ALG8: variants seen among roughly 807,000 people sequenced by gnomAD.
ALG8 encodes the protein dolichyl pyrophosphate Glc1Man9GlcNAc2 alpha-1,3-glucosyltransferase.
Under a neutral mutation model 70.2 loss-of-function variants are expected in ALG8, and 48 were observed. The observed-to-expected ratio is 0.68, with a 90% CI of 0.54 to 0.87. The LOEUF (loss-of-function observed/expected upper bound fraction) is 0.87, where lower values mean the gene tolerates loss of function less well. Among genes scored for constraint, ALG8 ranks in the 40% least tolerant of loss-of-function variants. ALG8 has a pLI of 0.00. For synonymous variants in ALG8, 234 were observed against 229.0 expected (o/e 1.02, Z -0.20); for missense variants, 572 against 608.7 (o/e 0.94, Z 0.64).
At chr11:78,133,134 CTCT>C (rs1275557495) in intron 1 of ALG8, among the ~76,000 whole-genome samples, 1 of 152,194 alleles carries the variant, frequency 6.6e-6, no homozygotes, top group African/African-American at 2.4e-5. Context: ...CACACCCAGC[CTCT>C]TCTTCCTAAT....
Position 78,139,552 on chromosome 11 carries a change from A to G in ALG8, c.37T>C (p.Trp13Arg). Reference protein sequence around the residue: ...ALTIATGTGNWFSALALGVTL... With the variant: ...ALTIATGTGNRFSALALGVTL... ...ACCCCGAGCGCCAAAGCCGAAAACC[A>G]ATTGCCAGTACCCGTGGCAATTGTG... is the stretch of plus-strand genomic sequence containing the variant. The change falls in exon 1 of 13, where the codon TGG (tryptophan) becomes CGG (arginine). Residue 13 changes from tryptophan to arginine, a missense_variant. Trp to Arg is a moderately radical substitution (Grantham distance 101). Transcript: ENST00000299626. 2 of 1,562,054 alleles carry G rather than the reference A, an allele frequency of 1.3e-6. No individual in the cohort carries two copies. Among genetic ancestry groups the G allele is most frequent in the Non-Finnish European group, 1.7e-6 (2 of 1,152,628 alleles).
At chr11:78,128,085 T>C (rs1861153559) in intron 1 of ALG8, among the ~76,000 whole-genome samples, 1 of 152,204 alleles carries the variant, frequency 6.6e-6, no homozygotes, top group African/African-American at 2.4e-5. Flanking sequence ...TCTAACAAAA[T>C]TCATTACCTG....
rs749259253 is a variant in ALG8 at position 78,101,080 on chromosome 11, AG to A, written c.1464del (p.Phe489SerfsTer6). Reference sequence around the variant, plus strand: ...ACTGAGGTTAGTAACAAAGGGATGAAGGGGTACTTCACCTTCCAGGAGGTGA... The same window carrying A: ...ACTGAGGTTAGTAACAAAGGGATGAAGGGTACTTCACCTTCCAGGAGGTGA... ...FPFTSWKVKYPFIPLLLTSVY... is the reference protein window; with the variant it reads ...FPFTSWKVKYXFIPLLLTSVY... On this transcript the variant is annotated frameshift_variant, in exon 13 of 13. Coordinates refer to ENST00000299626, the MANE Select transcript of ALG8 (RefSeq NM_024079.5). LOFTEE classifies it high-confidence loss of function. 2 of 1,614,208 alleles carry A rather than the reference AG, an allele frequency of 1.2e-6. No homozygotes were observed. Among genetic ancestry groups the A allele is most frequent in the Non-Finnish European group, 1.7e-6 (2 of 1,180,030 alleles).
rs552527827 is a variant in ALG8 at position 78,107,243 on chromosome 11, C to T, written c.1039-297G>A. On this transcript the variant is annotated intron_variant, in intron 9 of 12. Transcript: ENST00000299626. ...TATATAATTTTTTGTTTTTTTGAGA[C>T]GGAGTCTCGCTTTGTTGCCAAGGCT... Among the ~76,000 whole-genome samples, 902 of 145,254 alleles carry T rather than the reference C, an allele frequency of 6.2e-3. 2 individuals are homozygous for T. The highest frequency in any genetic ancestry group is 0.027 in the Middle Eastern group (7 of 264).
At chr11:78,112,474 C>T (rs1860332990) in intron 8 of ALG8, 176 bp downstream of exon 8, 4 of 803,578 alleles carry the variant, frequency 5.0e-6, no homozygotes, top group Non-Finnish European at 8.0e-6. Context: ...AGTCTGTTTA[C>T]TGCACTAAAG....
At chr11:78,133,351 C>T (rs1008091832) in intron 1 of ALG8, 19 of 152,222 alleles carry the variant, frequency 1.2e-4, no homozygotes, top group Admixed American at 9.2e-4. Flanking sequence ...CTGTAACTTC[C>T]CTCTCATATC....
In ALG8 at chr11:78,121,189, T is replaced by C. The variant is rs374645837; in HGVS notation, c.369-15A>G. 3.3e-5 allele frequency: 52 copies of C among 1,578,038 alleles called. No homozygotes were observed. The highest frequency in any genetic ancestry group is 4.0e-5 in the Non-Finnish European group (46 of 1,148,078). ...ATTTACAGCACCTACATTGAAACAT[T>C]AGGAAAGAAACAGAAACAACTTTGA... On this transcript the variant is annotated splice_polypyrimidine_tract_variant and intron_variant, in intron 3 of 12. Coordinates refer to ENST00000299626, the MANE Select transcript of ALG8 (RefSeq NM_024079.5).
chr11:78,137,047 A>G (rs969804285), intron 1 of ALG8, among the ~76,000 whole-genome samples: 1 of 152,116 alleles, frequency 6.6e-6, no homozygotes, highest in Non-Finnish European at 1.5e-5. Context: ...GATCACAGGC[A>G]TGCTCCACCA....
At chr11:78,125,298 C>T (rs1861017429) in intron 2 of ALG8, among the ~76,000 whole-genome samples, 1 of 151,750 alleles carries the variant, frequency 6.6e-6, no homozygotes, top group African/African-American at 2.4e-5. Flanking sequence ...TCCCAAAGTG[C>T]TGGGATTACA....
intron 1 of ALG8, among the ~76,000 whole-genome samples, chr11:78,134,293 A>G (rs1861448103): frequency 6.6e-6 from 1 of 152,098 alleles, no homozygotes; most frequent in South Asian, 2.1e-4. Context: ...GCCCACCACC[A>G]CACTTGGCTA....
At chr11:78,127,561 A>G in intron 1 of ALG8, 125 bp from the exon 2 acceptor site, 5 of 788,966 alleles carry the variant, frequency 6.3e-6, no homozygotes, top group South Asian at 4.5e-5. Context: ...TCCTATAGAG[A>G]CACAAATAGA....
chr11:78,137,058 C>A (rs1056949302), intron 1 of ALG8, among the ~76,000 whole-genome samples: 1 of 152,260 alleles, frequency 6.6e-6, no homozygotes, highest in Non-Finnish European at 1.5e-5. Flanking sequence ...TGCTCCACCA[C>A]GCCCAGCTAA....
chr11:78,131,316 C>T (rs1050453267), intron 1 of ALG8, among the ~76,000 whole-genome samples: 1 of 152,074 alleles, frequency 6.6e-6, no homozygotes, highest in Admixed American at 6.6e-5. Context: ...ACAAAATCTA[C>T]AATCAGCCGA....
chr11:78,119,646 G>C (rs1860733348), intron 4 of ALG8, among the ~76,000 whole-genome samples: 1 of 152,010 alleles, frequency 6.6e-6, no homozygotes, highest in South Asian at 2.1e-4. Flanking sequence ...GGCCAGGCTG[G>C]TTTCGAACTC....
chr11:78,133,119 G>T (rs190059867), intron 1 of ALG8, among the ~76,000 whole-genome samples: 10 of 152,266 alleles, frequency 6.6e-5, no homozygotes, highest in African/African-American at 2.4e-4. Context: ...ACAGGCGTGA[G>T]CCACCACACC....
At chr11:78,121,902 T>A (rs1028012260) in intron 3 of ALG8, among the ~76,000 whole-genome samples, 3 of 152,346 alleles carry the variant, frequency 2.0e-5, no homozygotes, top group African/African-American at 7.2e-5. Context: ...TGAGATATAT[T>A]ACTAAGTGAC....
intron 3 of ALG8, among the ~76,000 whole-genome samples, chr11:78,123,315 G>GGAAAAAAAA (rs1860907541): frequency 1.1e-5 from 1 of 88,544 alleles, no homozygotes. Flanking sequence ...GGAAAAAAAA[G>GGAAAAAAAA]AAAAAAAAAA....
chr11:78,126,247 C>T (rs573238837), intron 2 of ALG8, among the ~76,000 whole-genome samples: 1 of 150,536 alleles, frequency 6.6e-6, no homozygotes, highest in Non-Finnish European at 1.5e-5. Context: ...AACAAAAATA[C>T]AAGCTGGGTG....
intron 2 of ALG8, among the ~76,000 whole-genome samples, chr11:78,125,639 T>C (rs1202593263): frequency 2.7e-5 from 4 of 148,874 alleles, no homozygotes; most frequent in Non-Finnish European, 4.4e-5. Context: ...TTCCTGGGCA[T>C]GGTAGTGGGT....
Sources: allele counts gnomAD v4.1 joint callset (sites outside exome capture counted in the v4.1 genomes callset), GRCh38; gene constraint gnomAD v4.1.1; transcripts MANE v1.5; gene names NCBI Gene and HGNC (gene_info 2026-07-23, HGNC 2026-07-21).